BARX1: variants seen among roughly 807,000 people sequenced by gnomAD.
BARX1 encodes BARX homeobox 1.
BARX1 carries 10 observed loss-of-function variants against 19.6 expected under a neutral mutation model. The ratio of observed to expected loss-of-function variants is 0.51; its 90% CI spans 0.31 to 0.86. BARX1 has a LOEUF of 0.86. BARX1 is among the 40% of genes least tolerant of loss of function. The pLI, the probability that BARX1 is intolerant of heterozygous loss-of-function variation, is 0.04. For missense variants in BARX1, 309 were observed against 360.4 expected, an observed-to-expected ratio of 0.86 and a Z score of 1.15; for synonymous variants, 177 against 170.0, an observed-to-expected ratio of 1.04 and a Z score of -0.32.
rs1282734764 is a variant in BARX1, at chr9:93,955,000, G to A, written c.147C>T (p.Ala49=). The A allele has an allele frequency of 9.3e-6, 13 of 1,399,018 alleles. No homozygotes were observed. Among genetic ancestry groups the A allele is most frequent in the East Asian group, 3.2e-5 (1 of 31,012 alleles). The allele number at this position is 1,399,018 out of a possible 1,614,324, so 86.7% of individuals were successfully genotyped here. ...PGPKGAAPAA[A]AAAAGELLKF... ...TCAGCAGCTCGCCCGCCGCGGCAGCGGCGGCTGCGGGCGCGGCGCCCTTGG... is the reference window on the plus strand; with the variant it reads ...TCAGCAGCTCGCCCGCCGCGGCAGCAGCGGCTGCGGGCGCGGCGCCCTTGG... The change falls in exon 1 of 4, where the codon GCC becomes GCT. Residue 49 remains alanine, a synonymous_variant. Transcript: ENST00000253968.
chr9:93,952,417 G>T (rs550473018), intron 3 of BARX1, 89 bp from the exon 4 acceptor site: 2 of 1,486,550 alleles, frequency 1.3e-6, no homozygotes, highest in African/African-American at 1.4e-5. Context: ...ACTAAGGAGT[G>T]CAGGGTCCAT....
At position 93,952,740 on chromosome 9, in the gene BARX1, A is replaced by C; in HGVS notation, c.589T>G (p.Trp197Gly). 1 of 1,614,140 alleles carries C rather than the reference A, an allele frequency of 6.2e-7. No individual in the cohort carries two copies. ...KTWYQNRRMK[W>G]KKIVLQGGGL... is the part of the protein sequence containing the mutation. Reference sequence around the variant, plus strand: ...CCAGGCACACTCACTATTTTCTTCCACTTCATCCTCCGATTCTGGTACCAC... The same window carrying C: ...CCAGGCACACTCACTATTTTCTTCCCCTTCATCCTCCGATTCTGGTACCAC... Residue 197 changes from tryptophan to glycine, a missense_variant, in exon 3 of 4, where the codon TGG becomes GGG. By Grantham distance (184) the Trp-to-Gly change is radical. Around this residue, in one of 3 missense-constraint regions of BARX1, gnomAD observed 71 missense variants for 80.4 expected, o/e 0.88. Transcript: ENST00000253968.
chr9:93,953,163 G>A lies in BARX1; in HGVS notation c.248C>T (p.Ala83Val). The A allele has an allele frequency of 2.0e-6, 3 of 1,526,652 alleles. No individual in the cohort carries two copies. Among genetic ancestry groups the A allele is most frequent in the South Asian group, 1.2e-5 (1 of 81,266 alleles). The allele number at this position is 1,526,652 out of a possible 1,614,324, so 94.6% of individuals were successfully genotyped here. The change falls in exon 2 of 4, where the codon GCG (alanine) becomes GTG (valine). Residue 83 changes from alanine (A) to valine (V), a missense_variant. Physicochemically the swap from Ala to Val is moderately conservative, Grantham distance 64. This residue lies in a region of BARX1 where 204 missense variants were observed against 206.8 expected (regional missense o/e 0.99). Transcript: ENST00000253968. ...HLAVLKAEQA[A>V]VFKFPLAPLG... ...CGGCGCCAGTGGGAACTTGAACACC[G>A]CCGCCTGCTCGGCCTTCAGCACGGC... is the stretch of plus-strand genomic sequence containing the variant.
At chr9:93,952,367 G>A (rs777432759) in intron 3 of BARX1, 39 bp from the exon 4 acceptor site, 16 of 1,589,112 alleles carry the variant, frequency 1.0e-5, no homozygotes, top group Middle Eastern at 3.3e-4. Context: ...GAGCCAGCAC[G>A]TGGACTGGGG....
At position 93,955,105 on chromosome 9, in the gene BARX1, C is replaced by T. The variant is rs1472276096; in HGVS notation, c.42G>A (p.Pro14=). 2 of 1,260,650 alleles carry T rather than the reference C, an allele frequency of 1.6e-6. No homozygotes were observed. Among genetic ancestry groups the T allele is most frequent in the Non-Finnish European group, 2.0e-6 (2 of 1,004,264 alleles). The allele number at this position is 1,260,650 out of a possible 1,614,324, so 78.1% of individuals were successfully genotyped here. ...GCCGGTGGTCCGCGCAGCCCTCGGG[C>T]GGGCCGAAGCGCGCGGCGCCCGGCT... ...PGEPGAARFG[P]PEGCADHRPH... Residue 14 remains proline (P), a synonymous_variant, in exon 1 of 4, where the codon CCG becomes CCA. Transcript: ENST00000253968. The surrounding 1 kb of genome is among the most constrained non-coding windows in gnomAD (Gnocchi z 4.4).
Position 93,952,014 on chromosome 9 carries a change from G to T in BARX1, c.*150C>A, listed in dbSNP as rs909497823. 3.6e-6 allele frequency: 4 copies of T among 1,110,026 alleles called. No homozygotes were observed. Among genetic ancestry groups the T allele is most frequent in the Non-Finnish European group, 5.0e-6 (4 of 798,288 alleles). The allele number at this position is 1,110,026 out of a possible 1,614,324, so 68.8% of individuals were successfully genotyped here. A position where few individuals can be genotyped will look rare whatever the true frequency, so the allele number is the denominator to read the frequency against. On this transcript the variant is annotated 3_prime_UTR_variant, in exon 4 of 4. Transcript: ENST00000253968. ...GGCTTTTGGGTCTGTGTCCTTCCTCGTTTGGCCCCAATTGTCCGCATTCAA... is the reference window on the plus strand; with the variant it reads ...GGCTTTTGGGTCTGTGTCCTTCCTCTTTTGGCCCCAATTGTCCGCATTCAA...
rs1356935133 is a variant in BARX1 at position 93,955,110 on chromosome 9, C to A, written c.37G>T (p.Gly13Cys). ...TGGTCCGCGCAGCCCTCGGGCGGGC[C>A]GAAGCGCGCGGCGCCCGGCTCCCCC... ...RPGEPGAARF[G>C]PPEGCADHRP... Residue 13 changes from glycine to cysteine, a missense_variant, in exon 1 of 4, where the codon GGC (glycine) becomes TGC (cysteine). Around this residue, in one of 3 missense-constraint regions of BARX1, gnomAD observed 204 missense variants for 206.8 expected, o/e 0.99. Coordinates refer to ENST00000253968, the MANE Select transcript of BARX1 (RefSeq NM_021570.4). This position sits in a 1 kb window ranked among gnomAD's most constrained non-coding sequence, Gnocchi z 4.4. 12 of 1,251,808 alleles carry A rather than the reference C, an allele frequency of 9.6e-6. No individual in the cohort carries two copies. The highest frequency in any genetic ancestry group is 1.6e-5 in the African/African-American group (1 of 62,880). The allele number at this position is 1,251,808 out of a possible 1,614,324, so 77.5% of individuals were successfully genotyped here.
Position 93,951,670 on chromosome 9 carries a change from G to A in BARX1, c.*494C>T. The stretch of plus-strand genomic sequence containing the variant: ...TATTGGAAAAAAAGTCACCGTCTTC[G>A]CAAGAGGGGGTAGGGGCCCCAGCGA... On this transcript the variant is annotated 3_prime_UTR_variant, in exon 4 of 4. Transcript: ENST00000253968. The A allele has an allele frequency of 6.5e-6, 1 of 153,258 alleles. No homozygotes were observed. Among genetic ancestry groups the A allele is most frequent in the Non-Finnish European group, 1.5e-5 (1 of 68,812 alleles). The allele number at this position is 153,258 out of a possible 1,614,324, so 9.5% of individuals were successfully genotyped here.
rs1829107240 is a variant in BARX1, at chr9:93,952,020, C to T, written c.*144G>A. 1 of 1,140,776 alleles carries T rather than the reference C, an allele frequency of 8.8e-7. No homozygotes were observed. Among genetic ancestry groups the T allele is most frequent in the Non-Finnish European group, 1.2e-6 (1 of 825,192 alleles). 70.7% of individuals were successfully genotyped at this position (1,140,776 alleles called of 1,614,324 possible). Reference sequence around the variant, plus strand: ...TGGGTCTGTGTCCTTCCTCGTTTGGCCCCAATTGTCCGCATTCAAGATCAT... The same window carrying T: ...TGGGTCTGTGTCCTTCCTCGTTTGGTCCCAATTGTCCGCATTCAAGATCAT... On this transcript the variant is annotated 3_prime_UTR_variant, in exon 4 of 4. Transcript: ENST00000253968.
intron 3 of BARX1, 108 bp from the exon 4 acceptor site, chr9:93,952,436 A>G (rs1006840477): frequency 7.1e-7 from 1 of 1,411,920 alleles, no homozygotes; most frequent in Non-Finnish European, 9.4e-7. Context: ...ATATGAGGAA[A>G]TGGTGGGGAA....
rs781252774 is a variant in BARX1, at chr9:93,952,272, C to T, written c.657G>A (p.Lys219=). The change falls in exon 4 of 4, where the codon AAG becomes AAA. Residue 219 remains lysine, a synonymous_variant. Transcript: ENST00000253968. ...SPTKPKGRPK[K]NSIPTSEQLT... ...GCTGCTCGCTCGTTGGAATTGAGTT[C>T]TTCTTGGGCCGCCCCTTGGGCTTGG... 8.1e-6 allele frequency: 13 copies of T among 1,612,288 alleles called. No homozygotes were observed. The South Asian group carries it at 1.2e-4, about 15-fold the overall frequency.
Position 93,955,250 on chromosome 9 carries a change from CG to C in BARX1, c.-105del, listed in dbSNP as rs1270029468. On this transcript the variant is annotated 5_prime_UTR_variant, in exon 1 of 4. The change abolishes the stop of an existing upstream ORF in the 5' untranslated region. Transcript: ENST00000253968. The surrounding 1 kb of genome is among the most constrained non-coding windows in gnomAD (Gnocchi z 4.4). ...CTCTAGGCCGGCCCGCAGCTCGGGG[CG>C]GCGCGCGGGCGCCGGCTCATGCCCC... 2.3e-5 allele frequency: 10 copies of C among 443,558 alleles called. No homozygotes were observed. Among genetic ancestry groups the C allele is most frequent in the Non-Finnish European group, 3.0e-5 (10 of 338,528 alleles). 27.5% of individuals were successfully genotyped at this position (443,558 alleles called of 1,614,324 possible).
In BARX1 at chr9:93,952,519, G is replaced by T. The variant is rs541179410; in HGVS notation, c.601-191C>A. ...GGCCCGGCCTGGGGAGCATAAGACT[G>T]CCAGGAGGCCTGAAGGTGCCGCGGG... On this transcript the variant is annotated intron_variant, in intron 3 of 3. Transcript: ENST00000253968. Among the ~76,000 whole-genome samples, 168 of 152,356 alleles carry T rather than the reference G, an allele frequency of 1.1e-3. 1 individual carries two copies. Among genetic ancestry groups the T allele is most frequent in the African/African-American group, 3.8e-3 (160 of 41,594 alleles).
chr9:93,955,134 C>CCGG lies in BARX1; in HGVS notation c.10_12dup (p.Pro4dup), dbSNP rs1237325051. 2.4e-5 allele frequency: 28 copies of CCGG among 1,178,940 alleles called. No homozygotes were observed. The highest frequency in any genetic ancestry group is 6.8e-4 in the Middle Eastern group (2 of 2,942). The allele number at this position is 1,178,940 out of a possible 1,614,324, so 73.0% of individuals were successfully genotyped here. The stretch of plus-strand genomic sequence containing the variant: ...CCGAAGCGCGCGGCGCCCGGCTCCC[C>CCGG]CGGCCGCTGCATCGCGGCGCCCACT... On this transcript the variant is annotated inframe_insertion, in exon 1 of 4. Transcript: ENST00000253968. The surrounding 1 kb of genome is among the most constrained non-coding windows in gnomAD (Gnocchi z 4.4).
chr9:93,953,383 G>A lies in BARX1; in HGVS notation c.224-196C>T, dbSNP rs1007808291. On this transcript the variant is annotated intron_variant, in intron 1 of 3. Coordinates refer to ENST00000253968, the MANE Select transcript of BARX1 (RefSeq NM_021570.4). Reference sequence around the variant, plus strand: ...CGTTGCCGTTCCCCAGATTTGGGAGGGAGTATCTCCTCGACCCTGTCCGTG... The same window carrying A: ...CGTTGCCGTTCCCCAGATTTGGGAGAGAGTATCTCCTCGACCCTGTCCGTG... The A allele has an allele frequency of 9.4e-5, 57 of 609,316 alleles. 1 individual carries two copies. Among genetic ancestry groups the A allele is most frequent in the Middle Eastern group, 4.4e-4 (1 of 2,284 alleles). 37.7% of individuals were successfully genotyped at this position (609,316 alleles called of 1,614,324 possible). A position where few individuals can be genotyped will look rare whatever the true frequency, so the allele number is the denominator to read the frequency against.
intron 1 of BARX1, among the ~76,000 whole-genome samples, chr9:93,954,265 C>A (rs1285609988): frequency 1.3e-5 from 2 of 152,236 alleles, no homozygotes; most frequent in Admixed American, 6.5e-5. Flanking sequence ...GAAGAAAGGG[C>A]AGAAGCTGAA....
At chr9:93,954,452 G>C (rs1829137993) in intron 1 of BARX1, among the ~76,000 whole-genome samples, 1 of 152,224 alleles carries the variant, frequency 6.6e-6, no homozygotes, top group Non-Finnish European at 1.5e-5. Flanking sequence ...CTCCGGGCCG[G>C]CTTGGGCCCG....
In BARX1 at chr9:93,952,881, C is replaced by T. The variant is rs376813672; in HGVS notation, c.515+15G>A. The stretch of plus-strand genomic sequence containing the variant: ...ACTCCCACAGCCCGCTGGCCCCAGC[C>T]TTGTACCGCCCTACCTGTCCGGCGT... On this transcript the variant is annotated intron_variant, in intron 2 of 3. Transcript: ENST00000253968. 9.9e-6 allele frequency: 16 copies of T among 1,609,596 alleles called. No individual in the cohort carries two copies. The highest frequency in any genetic ancestry group is 1.4e-5 in the Non-Finnish European group (16 of 1,177,806).
At chr9:93,952,692 G>C (rs769204571) in intron 3 of BARX1, 37 bp downstream of exon 3, 7 of 1,597,450 alleles carry the variant, frequency 4.4e-6, no homozygotes, top group Non-Finnish European at 6.0e-6. Flanking sequence ...GCATGGCCCA[G>C]GAAGCTGAGG....
Sources: allele counts gnomAD v4.1 joint callset (sites outside exome capture counted in the v4.1 genomes callset), GRCh38; gene constraint gnomAD v4.1.1; regional missense constraint gnomAD v4.1.1; non-coding constraint Gnocchi (gnomAD v3.1); transcripts MANE v1.5; gene names NCBI Gene and HGNC (gene_info 2026-07-23, HGNC 2026-07-21).